WWOX: variants seen among roughly 807,000 people sequenced by gnomAD.
WWOX encodes the protein WW domain containing oxidoreductase.
A neutral mutation model predicts 46.2 loss-of-function variants in WWOX; 69 were observed. The ratio of observed to expected loss-of-function variants is 1.49; its 90% CI spans 1.23 to 1.82. The LOEUF is 1.82. Among genes scored for constraint, WWOX ranks in the 40% most tolerant of loss-of-function variants. The probability of loss-of-function intolerance (pLI) is 0.00; values close to 1 mark genes in which losing one functional copy is unlikely to be tolerated. For missense variants in WWOX, 919 were observed against 542.6 expected, an observed-to-expected ratio of 1.69 and a Z score of -6.89; for synonymous variants, 359 against 202.6, an observed-to-expected ratio of 1.77 and a Z score of -6.56.
intron 8 of WWOX, among the ~76,000 whole-genome samples, chr16:79,142,665 A>G (rs928326722): frequency 1.3e-5 from 2 of 152,184 alleles, no homozygotes; most frequent in Non-Finnish European, 2.9e-5. Flanking sequence ...CAACGTTAAT[A>G]GAAATATAAG....
At chr16:79,046,192 GTTA>G (rs766038381) in intron 8 of WWOX, among the ~76,000 whole-genome samples, 12 of 152,148 alleles carry the variant, frequency 7.9e-5, no homozygotes, top group Non-Finnish European at 1.6e-4. Flanking sequence ...AGTAGCCACT[GTTA>G]TTATTATTGT....
chr16:78,505,311 C>A (rs372423344), intron 8 of WWOX, among the ~76,000 whole-genome samples: 97 of 152,138 alleles, frequency 6.4e-4, no homozygotes, highest in Admixed American at 2.1e-3. Context: ...GCCAAGACTC[C>A]GAGGCAGCTT....
rs1375468491 is a variant in WWOX, at chr16:78,615,668, G to GAAAT, written c.1056+182926_1056+182929dup. Among the ~76,000 whole-genome samples the GAAAT allele has an allele frequency of 4.6e-5, 7 of 150,890 alleles. No individual in the cohort carries two copies. The East Asian group carries it at 9.7e-4, about 21-fold the overall frequency. On this transcript the variant is annotated intron_variant, in intron 8 of 8. Transcript: ENST00000566780. The stretch of plus-strand genomic sequence containing the variant: ...AAGACCCCATTTCCAAAAAATAAAT[G>GAAAT]AAATAAATAAATACATAATAAATAA...
chr16:78,585,624 C>T (rs1044081249), intron 8 of WWOX, among the ~76,000 whole-genome samples: 2 of 152,038 alleles, frequency 1.3e-5, no homozygotes, highest in Non-Finnish European at 2.9e-5. Flanking sequence ...AGTCACTTCG[C>T]AGCACAATCC....
At chr16:79,162,350 C>G (rs1458499077) in intron 8 of WWOX, among the ~76,000 whole-genome samples, 5 of 152,118 alleles carry the variant, frequency 3.3e-5, no homozygotes, top group African/African-American at 9.7e-5. Flanking sequence ...GAGTTAAGGC[C>G]ACGCAGACCA....
chr16:78,895,304 G>C (rs996835312), intron 8 of WWOX: 4 of 152,130 alleles, frequency 2.6e-5, no homozygotes, highest in African/African-American at 7.2e-5. Flanking sequence ...TATGCATTAA[G>C]AAAATAACTT....
chr16:78,756,840 A>C (rs548067926), intron 8 of WWOX: 31 of 685,654 alleles, frequency 4.5e-5, no homozygotes, highest in Middle Eastern at 4.7e-4. Context: ...TGACCTGTAT[A>C]ATCGATAGGG....
At chr16:78,598,733 G>T (rs1369325716) in intron 8 of WWOX, among the ~76,000 whole-genome samples, 3 of 152,208 alleles carry the variant, frequency 2.0e-5, no homozygotes, top group Non-Finnish European at 4.4e-5. Flanking sequence ...AGTGACTACA[G>T]TGTGCCTGGA....
At chr16:78,380,284 A>G (rs1395263222) in intron 5 of WWOX, among the ~76,000 whole-genome samples, 1 of 152,198 alleles carries the variant, frequency 6.6e-6, no homozygotes, top group African/African-American at 2.4e-5. Flanking sequence ...ATGGAATAGC[A>G]ATTGAAATCT....
At chr16:78,887,296 C>G (rs1361385164) in intron 8 of WWOX, among the ~76,000 whole-genome samples, 2 of 151,976 alleles carry the variant, frequency 1.3e-5, no homozygotes, top group Admixed American at 6.6e-5. Flanking sequence ...TTTCTCCTGA[C>G]TCTCTATGCA....
chr16:78,930,724 G>C (rs1030760692), intron 8 of WWOX, among the ~76,000 whole-genome samples: 1 of 152,044 alleles, frequency 6.6e-6, no homozygotes, highest in Non-Finnish European at 1.5e-5. Flanking sequence ...AAATGAGTGA[G>C]TAAAGTTGAG....
intron 8 of WWOX, among the ~76,000 whole-genome samples, chr16:78,840,905 G>C (rs534813446): frequency 1.3e-3 from 205 of 152,050 alleles, no homozygotes; most frequent in Middle Eastern, 3.4e-3. Flanking sequence ...CAAACATCTA[G>C]ACGTAGTTCT....
intron 8 of WWOX, among the ~76,000 whole-genome samples, chr16:78,955,321 G>A (rs1047689329): frequency 3.3e-5 from 5 of 152,160 alleles, no homozygotes; most frequent in African/African-American, 7.2e-5. Flanking sequence ...ATACAACAAC[G>A]TCAGTGAAAT....
At chr16:78,826,177 A>T (rs1183021418) in intron 8 of WWOX, among the ~76,000 whole-genome samples, 2 of 152,218 alleles carry the variant, frequency 1.3e-5, no homozygotes, top group Admixed American at 6.5e-5. Flanking sequence ...CAACATGGTG[A>T]AACCCTGTCT....
intron 4 of WWOX, among the ~76,000 whole-genome samples, chr16:78,161,037 C>G (rs893905377): frequency 6.6e-6 from 1 of 151,886 alleles, no homozygotes; most frequent in African/African-American, 2.4e-5. Flanking sequence ...TCAGCACTTT[C>G]TCTTGTAATG....
chr16:78,351,205 GAA>G (rs1221962279), intron 5 of WWOX, among the ~76,000 whole-genome samples: 2 of 152,172 alleles, frequency 1.3e-5, no homozygotes, highest in Non-Finnish European at 2.9e-5. Context: ...TGGTTCAGAG[GAA>G]AGATTCACAT....
rs2082375990 is a variant in WWOX at position 78,400,075 on chromosome 16, T to C, written c.605+13127T>C. On this transcript the variant is annotated intron_variant, in intron 6 of 8. Coordinates refer to ENST00000566780, the MANE Select transcript of WWOX (RefSeq NM_016373.4). ...TTTGAAGAATCTATTGCATACCTTGTCATTCAGAAAAACATAAACGGGACC... is the reference window on the plus strand; with the variant it reads ...TTTGAAGAATCTATTGCATACCTTGCCATTCAGAAAAACATAAACGGGACC... Among the ~76,000 whole-genome samples, 6 of 152,300 alleles carry C rather than the reference T, an allele frequency of 3.9e-5. No individual in the cohort carries two copies. In the South Asian group the frequency reaches 1.2e-3, roughly 32 times the overall value.
intron 4 of WWOX, among the ~76,000 whole-genome samples, chr16:78,158,695 C>G (rs923806620): frequency 5.3e-5 from 8 of 152,026 alleles, no homozygotes; most frequent in African/African-American, 1.7e-4. Flanking sequence ...ATCTGTAGTC[C>G]TTTTCTTTAT....
chr16:78,979,534 A>T (rs570258722), intron 8 of WWOX, among the ~76,000 whole-genome samples: 1 of 152,302 alleles, frequency 6.6e-6, no homozygotes, highest in Admixed American at 6.5e-5. Context: ...ACTCCCTGGA[A>T]TCAGCTAGCG....
Sources: gnomAD v4.1 joint callset for allele counts (sites outside exome capture counted in the v4.1 genomes callset) on GRCh38, gnomAD v4.1.1 for gene constraint, MANE v1.5 for transcripts, NCBI Gene and HGNC (gene_info 2026-07-23, HGNC 2026-07-21) for gene names.